The following TASOR2 variants were observed in gnomAD, a reference collection of about 807,000 sequenced individuals.
The protein encoded by TASOR2 is transcription activation suppressor family member 2.
A neutral mutation model predicts 199.5 loss-of-function variants in TASOR2; 84 were observed. That is an observed-to-expected ratio of 0.42 (90% CI 0.35 to 0.50). TASOR2 has a LOEUF of 0.50. Ranked by LOEUF, TASOR2 falls within the 20% of genes least tolerant of loss-of-function variation. TASOR2 has a pLI of 0.02. For synonymous variants in TASOR2, 1,103 were observed against 1,046.6 expected (o/e 1.05, Z -1.04); for missense variants, 2,796 against 2,835.9 (o/e 0.99, Z 0.32).
chr10:5,753,467 A>C (rs1328669911), intron 15 of TASOR2, among the ~76,000 whole-genome samples: 1 of 152,098 alleles, frequency 6.6e-6, no homozygotes, highest in Non-Finnish European at 1.5e-5. Context: ...CATTCACACC[A>C]TTCTCCTGCC....
rs774525769 is a variant in TASOR2, at chr10:5,740,303, T to C, written c.2133T>C (p.Pro711=). The C allele has an allele frequency of 6.2e-7, 1 of 1,614,218 alleles. No homozygotes were observed. The highest frequency in any genetic ancestry group is 8.5e-7 in the Non-Finnish European group (1 of 1,180,040). Residue 711 remains proline (P), a synonymous_variant, in exon 13 of 21, where the codon CCT becomes CCC. Transcript: ENST00000328090. This position sits in a 1 kb window ranked among gnomAD's most constrained non-coding sequence, Gnocchi z 5.3. Reference sequence around the variant, plus strand: ...GCCTTTTGCTTCAGCAAAAGCCTCCTGACGACCCCGTGGTGAAGCCCAAGG... The same window carrying C: ...GCCTTTTGCTTCAGCAAAAGCCTCCCGACGACCCCGTGGTGAAGCCCAAGG...
chr10:5,687,327 T>C lies in TASOR2; in HGVS notation c.-288+2152T>C, dbSNP rs776281623. Reference sequence around the variant, plus strand: ...ATTATTCCCTTGCCTTTTTAAACAGTTTTATCACCTATATAGATATCCTTA... The same window carrying C: ...ATTATTCCCTTGCCTTTTTAAACAGCTTTATCACCTATATAGATATCCTTA... On this transcript the variant is annotated intron_variant, in intron 1 of 20. Transcript: ENST00000328090. The surrounding 1 kb of genome is among the most constrained non-coding windows in gnomAD (Gnocchi z 4.8). Among the ~76,000 whole-genome samples, 2 of 152,222 alleles carry C rather than the reference T, an allele frequency of 1.3e-5. No individual in the cohort carries two copies. The highest frequency in any genetic ancestry group is 2.9e-5 in the Non-Finnish European group (2 of 68,042).
At chr10:5,741,302 A>G (rs1399134694) in intron 13 of TASOR2, among the ~76,000 whole-genome samples, 4 of 152,230 alleles carry the variant, frequency 2.6e-5, no homozygotes, top group African/African-American at 9.6e-5. Flanking sequence ...GTAGTAATAA[A>G]TGGTAACCAT....
intron 14 of TASOR2, among the ~76,000 whole-genome samples, chr10:5,744,583 C>T (rs1411023901): frequency 1.3e-5 from 2 of 152,092 alleles, no homozygotes; most frequent in African/African-American, 2.4e-5. Flanking sequence ...GGATTACAGG[C>T]GTGAGCCACT....
chr10:5,698,674 C>G lies in TASOR2; in HGVS notation c.-288+13499C>G, dbSNP rs1311882984. Among the ~76,000 whole-genome samples, 2 of 151,990 alleles carry G rather than the reference C, an allele frequency of 1.3e-5. No homozygotes were observed. The highest frequency in any genetic ancestry group is 2.1e-4 in the South Asian group (1 of 4,824). On this transcript the variant is annotated intron_variant, in intron 1 of 20. Coordinates refer to ENST00000328090, the Ensembl canonical transcript of TASOR2. The surrounding 1 kb of genome is among the most constrained non-coding windows in gnomAD (Gnocchi z 4.4). Reference sequence around the variant, plus strand: ...TGACAGAGACCGTGTGGTTCATAATCCTAAAGTATTTATTTTCTGACCCTT... The same window carrying G: ...TGACAGAGACCGTGTGGTTCATAATGCTAAAGTATTTATTTTCTGACCCTT...
In TASOR2 at chr10:5,742,629, C is replaced by A; in HGVS notation, c.2757+103C>A. ...AACAAGGCATTTTTAAATTTTAGGACAGTGAATTCTCAAGGTATGTAAAGA... is the reference window on the plus strand; with the variant it reads ...AACAAGGCATTTTTAAATTTTAGGAAAGTGAATTCTCAAGGTATGTAAAGA... On this transcript the variant is annotated intron_variant, in intron 14 of 20. Transcript: ENST00000328090. The surrounding 1 kb of genome is among the most constrained non-coding windows in gnomAD (Gnocchi z 4.2). 1 of 1,092,950 alleles carries A rather than the reference C, an allele frequency of 9.1e-7. No homozygotes were observed. The highest frequency in any genetic ancestry group is 1.3e-6 in the Non-Finnish European group (1 of 764,534). 67.7% of individuals were successfully genotyped at this position (1,092,950 alleles called of 1,614,324 possible). A position where few individuals can be genotyped will look rare whatever the true frequency, so the allele number is the denominator to read the frequency against.
chr10:5,753,637 G>C (rs1838400019), intron 15 of TASOR2, among the ~76,000 whole-genome samples: 1 of 152,180 alleles, frequency 6.6e-6, no homozygotes, highest in South Asian at 2.1e-4. Context: ...TGGGATTACA[G>C]GCATGAGCCA....
chr10:5,703,455 A>G (rs1461022753), intron 1 of TASOR2, among the ~76,000 whole-genome samples: 2 of 149,488 alleles, frequency 1.3e-5, no homozygotes, highest in South Asian at 2.1e-4. Flanking sequence ...CTTTATCTCA[A>G]TCATGTTGTT....
rs878917924 is a variant in TASOR2 at position 5,749,072 on chromosome 10, G to T, written c.5651G>T (p.Ser1884Ile). 4.3e-6 allele frequency: 7 copies of T among 1,614,004 alleles called. No homozygotes were observed. Among genetic ancestry groups the T allele is most frequent in the Admixed American group, 3.3e-5 (2 of 59,986 alleles). Residue 1884 changes from serine to isoleucine, a missense_variant, in exon 15 of 21, where the codon AGC (serine) becomes ATC (isoleucine). By Grantham distance (142) the Ser-to-Ile change is moderately radical (BLOSUM62 -2). Transcript: ENST00000328090. ...AACCAAGAGGACTGGGGCTGCTCTA[G>T]CTGGGTTCCAGGCATGGAGACGAGC...
At position 5,722,633 on chromosome 10, in the gene TASOR2, A is replaced by AT. The variant is rs1332119390; in HGVS notation, c.147-1043dup. Among the ~76,000 whole-genome samples the AT allele has an allele frequency of 6.6e-6, 1 of 152,188 alleles. No homozygotes were observed. Among genetic ancestry groups the AT allele is most frequent in the East Asian group, 1.9e-4 (1 of 5,194 alleles). On this transcript the variant is annotated intron_variant, in intron 6 of 20. Coordinates refer to ENST00000328090, the Ensembl canonical transcript of TASOR2. This position sits in a 1 kb window ranked among gnomAD's most constrained non-coding sequence, Gnocchi z 4.0. ...TACTGTTAATATTTGGGAAATCTGGATGAAGGGTATTAAAGAGTTCTTTGT... is the reference window on the plus strand; with the variant it reads ...TACTGTTAATATTTGGGAAATCTGGATTGAAGGGTATTAAAGAGTTCTTTGT...
chr10:5,728,982 C>T (rs1266527345), intron 10 of TASOR2, among the ~76,000 whole-genome samples: 1 of 151,796 alleles, frequency 6.6e-6, no homozygotes, highest in South Asian at 2.1e-4. Flanking sequence ...TTTAACAAAG[C>T]GCAAGTTTAA....
At chr10:5,736,412 C>T (rs1205198277) in intron 12 of TASOR2, among the ~76,000 whole-genome samples, 1 of 57,478 alleles carries the variant, frequency 1.7e-5, no homozygotes, top group Non-Finnish European at 3.5e-5. Context: ...AGCGAGACTC[C>T]GTCTCAGAAA....
rs1837239581 is a variant in TASOR2, at chr10:5,746,526, GGAAA to G, written c.3111_3114del (p.Lys1038MetfsTer8). The G allele has an allele frequency of 6.2e-7, 1 of 1,614,070 alleles. No homozygotes were observed. ...TAAACAATGAATGTCACCCTTCCTTGGAAAGAAAGGATGATAATATGGGGTGTGC... is the reference window on the plus strand; with the variant it reads ...TAAACAATGAATGTCACCCTTCCTTGGAAAGGATGATAATATGGGGTGTGC... On this transcript the variant is annotated frameshift_variant, in exon 15 of 21. Coordinates refer to ENST00000328090, the Ensembl canonical transcript of TASOR2. LOFTEE classifies it high-confidence loss of function.
rs1218062235 is a variant in TASOR2, at chr10:5,706,583, T to G, written c.-287-6240T>G. On this transcript the variant is annotated intron_variant, in intron 1 of 20. Coordinates refer to ENST00000328090, the Ensembl canonical transcript of TASOR2. The surrounding 1 kb of genome is among the most constrained non-coding windows in gnomAD (Gnocchi z 4.8). ...AGGATATTGTTAGTTCTCTAGAATT[T>G]CAAGCTGAAATAATGATTGGTAACT... 6.6e-6 allele frequency among the ~76,000 whole-genome samples: 1 copy of G among 152,204 alleles called. No individual in the cohort carries two copies. Among genetic ancestry groups the G allele is most frequent in the African/African-American group, 2.4e-5 (1 of 41,448 alleles).
At chr10:5,756,359 G>C (rs976206207) in intron 15 of TASOR2, among the ~76,000 whole-genome samples, 3 of 152,120 alleles carry the variant, frequency 2.0e-5, no homozygotes, top group African/African-American at 7.2e-5. Flanking sequence ...CATTTATGTA[G>C]ATTATTCTGA....
chr10:5,691,106 G>A (rs573354045), intron 1 of TASOR2, among the ~76,000 whole-genome samples: 6 of 150,994 alleles, frequency 4.0e-5, no homozygotes, highest in African/African-American at 7.3e-5. Context: ...TGGGGGAATC[G>A]CTTGAACCTG....
chr10:5,709,034 C>T (rs1831578981), intron 1 of TASOR2, among the ~76,000 whole-genome samples: 2 of 152,042 alleles, frequency 1.3e-5, no homozygotes, highest in African/African-American at 4.8e-5. Context: ...GAGCCTGTTT[C>T]CCTGTAATAG....
rs1243673178 is a variant in TASOR2 at position 5,730,998 on chromosome 10, GAA to G, written c.1000_1001del (p.Lys334GlufsTer16). 6.2e-7 allele frequency: 1 copy of G among 1,614,130 alleles called. No individual in the cohort carries two copies. The highest frequency in any genetic ancestry group is 1.7e-5 in the Admixed American group (1 of 60,018). ...ATTCTGAAGAAATGTTGAAAGCAAA[GAA>G]GAGAGTTTTTCCATTGAGTCCAGCG... On this transcript the variant is annotated frameshift_variant, in exon 11 of 21. Coordinates refer to ENST00000328090, the Ensembl canonical transcript of TASOR2. LOFTEE classifies it high-confidence loss of function. The surrounding 1 kb of genome is among the most constrained non-coding windows in gnomAD (Gnocchi z 4.1).
At chr10:5,743,183 A>G (rs1218609859) in intron 14 of TASOR2, among the ~76,000 whole-genome samples, 1 of 152,190 alleles carries the variant, frequency 6.6e-6, no homozygotes, top group African/African-American at 2.4e-5. Flanking sequence ...TTTCCGCCCA[A>G]ATTTATTCTA....
Sources: gnomAD v4.1 joint callset for allele counts (sites outside exome capture counted in the v4.1 genomes callset) on GRCh38, gnomAD v4.1.1 for gene constraint, Gnocchi (gnomAD v3.1) non-coding constraint, MANE v1.5 for transcripts, NCBI Gene and HGNC (gene_info 2026-07-23, HGNC 2026-07-21) for gene names.